CYP2A13: variants seen among roughly 807,000 people sequenced by gnomAD.
The protein encoded by CYP2A13 is cytochrome P450 family 2 subfamily A member 13.
In CYP2A13, 30 loss-of-function variants were observed where a neutral mutation model predicts 39.4. The ratio of observed to expected loss-of-function variants is 0.76; its 90% CI spans 0.57 to 1.03. The LOEUF is 1.03. Ranked by LOEUF, CYP2A13 falls within the 50% of genes least tolerant of loss-of-function variation. CYP2A13 has a pLI of 0.00. For synonymous variants in CYP2A13, 269 were observed against 254.7 expected, an observed-to-expected ratio of 1.06 and a Z score of -0.54; for missense variants, 731 against 648.4, an observed-to-expected ratio of 1.13 and a Z score of -1.38.
chr19:41,089,841 TCTCTCTCTCTCTCTCTCTCTCTCTC>T (rs755923695), intron 2 of CYP2A13, among the ~76,000 whole-genome samples, 181 bp from the exon 3 acceptor site: 2,324 of 129,606 alleles, frequency 0.018, 102 homozygotes, highest in Admixed American at 0.037. Context: ...TCTCTCTCTC[TCTCTCTCTCTCTCTCTCTCTCTCTC>T]TCTCTCGTGC....
At chr19:41,089,500 A>G (rs145797293) in intron 2 of CYP2A13, among the ~76,000 whole-genome samples, 1 of 151,958 alleles carries the variant, frequency 6.6e-6, no homozygotes, top group East Asian at 1.9e-4. Flanking sequence ...TTAGGATTTC[A>G]GGGTATTCCT....
rs2144727767 is a variant in CYP2A13 at position 41,094,320 on chromosome 19, C to T, written c.1049C>T (p.Pro350Leu). ...AAGTTTGAGGACCGGGCCAAGATGC[C>T]CTACACAGAGGCAGTGATCCACGAG... ...QPKFEDRAKMPYTEAVIHEIQ... is the reference protein window; with the variant it reads ...QPKFEDRAKMLYTEAVIHEIQ... Residue 350 changes from proline (P) to leucine (L), a missense_variant, in exon 7 of 9, where the codon CCC becomes CTC. Coordinates refer to ENST00000330436, the MANE Select transcript of CYP2A13 (RefSeq NM_000766.5). 6.2e-7 allele frequency: 1 copy of T among 1,614,066 alleles called. No individual in the cohort carries two copies. Among genetic ancestry groups the T allele is most frequent in the Non-Finnish European group, 8.5e-7 (1 of 1,179,998 alleles).
chr19:41,093,705 A>C lies in CYP2A13; in HGVS notation c.907A>C (p.Thr303Pro), dbSNP rs1205183416. 1.9e-6 allele frequency: 3 copies of C among 1,613,998 alleles called. No individual in the cohort carries two copies. The African/African-American group carries it at 4.0e-5, about 22-fold the overall frequency. Residue 303 changes from threonine to proline, a missense_variant, in exon 6 of 9, where the codon ACT (threonine) becomes CCT (proline). Coordinates refer to ENST00000330436, the MANE Select transcript of CYP2A13 (RefSeq NM_000766.5). Reference protein sequence around the residue: ...MTTLNLFFAGTETVSTTLRYG... With the variant: ...MTTLNLFFAGPETVSTTLRYG... ...CACCCTGAACCTCTTCTTTGCGGGCACTGAGACCGTGAGCACCACCCTGCG... is the reference window on the plus strand; with the variant it reads ...CACCCTGAACCTCTTCTTTGCGGGCCCTGAGACCGTGAGCACCACCCTGCG...
In CYP2A13 at chr19:41,092,965, C is replaced by T. The variant is rs964789453; in HGVS notation, c.832-665C>T. ...TGCCATCTCTGTACTACTTTCTCTTCGTCTCCCCTCATCCTTCTCTTTCCA... is the reference window on the plus strand; with the variant it reads ...TGCCATCTCTGTACTACTTTCTCTTTGTCTCCCCTCATCCTTCTCTTTCCA... On this transcript the variant is annotated intron_variant, in intron 5 of 8. Coordinates refer to ENST00000330436, the MANE Select transcript of CYP2A13 (RefSeq NM_000766.5). Among the ~76,000 whole-genome samples, 9 of 152,090 alleles carry T rather than the reference C, an allele frequency of 5.9e-5. No homozygotes were observed. In the South Asian group the frequency reaches 6.2e-4, roughly 11 times the overall value.
intron 7 of CYP2A13, 75 bp from the exon 8 acceptor site, chr19:41,094,884 C>A: frequency 6.4e-7 from 1 of 1,566,136 alleles, no homozygotes. Flanking sequence ...ACCCTAGTTC[C>A]CCCTGCAGCC....
rs2031253235 is a variant in CYP2A13, at chr19:41,094,303, G to A, written c.1032G>A (p.Glu344=). ...VIGKNRQPKF[E]DRAKMPYTEA... ...GCAAGAACCGGCAGCCCAAGTTTGA[G>A]GACCGGGCCAAGATGCCCTACACAG... Residue 344 remains glutamate (E), a synonymous_variant, in exon 7 of 9, where the codon GAG becomes GAA. Coordinates refer to ENST00000330436, the MANE Select transcript of CYP2A13 (RefSeq NM_000766.5). 6.2e-7 allele frequency: 1 copy of A among 1,613,986 alleles called. No homozygotes were observed. The highest frequency in any genetic ancestry group is 8.5e-7 in the Non-Finnish European group (1 of 1,180,022).
chr19:41,089,269 C>T (rs1373805444), intron 2 of CYP2A13, among the ~76,000 whole-genome samples, 178 bp downstream of exon 2: 2 of 152,072 alleles, frequency 1.3e-5, no homozygotes, highest in South Asian at 4.1e-4. Context: ...CTGTCTCCAG[C>T]GTCCCTGTCG....
intron 5 of CYP2A13, 143 bp downstream of exon 5, chr19:41,092,051 A>G: frequency 7.7e-7 from 1 of 1,300,294 alleles, no homozygotes; most frequent in Non-Finnish European, 1.0e-6. Context: ...GCGGTGGCTC[A>G]TGACCTGTAA....
Position 41,091,783 on chromosome 19 carries a change from C to T in CYP2A13, c.706C>T (p.Gln236Ter), listed in dbSNP as rs1273612725. 5.0e-6 allele frequency: 8 copies of T among 1,613,974 alleles called. No individual in the cohort carries two copies. In the Admixed American group the frequency reaches 1.2e-4, roughly 24 times the overall value. ...GAAACACCTGCCAGGACCACAGCAA[C>T]AGGCCTTTAAGGAGCTGCAAGGGCT... ...VMKHLPGPQQ[Q>*]AFKELQGLED... The change falls in exon 5 of 9, where the codon CAG (glutamine) becomes TAG (stop). Residue 236 changes from glutamine to a stop codon, truncating the protein, a stop_gained. Coordinates refer to ENST00000330436, the MANE Select transcript of CYP2A13 (RefSeq NM_000766.5). LOFTEE classifies it high-confidence loss of function.
At position 41,095,054 on chromosome 19, in the gene CYP2A13, G is replaced by A. The variant is rs140338223; in HGVS notation, c.1257G>A (p.Lys419=). The A allele has an allele frequency of 1.2e-4, 197 of 1,614,026 alleles. 2 individuals are homozygous for A. The African/African-American group carries it at 2.3e-3, about 19-fold the overall frequency. Residue 419 remains lysine, a synonymous_variant, in exon 8 of 9, where the codon AAG becomes AAA. Coordinates refer to ENST00000330436, the MANE Select transcript of CYP2A13 (RefSeq NM_000766.5). ...TCAATCCCCAGCACTTCCTGGATAAGAAGGGGCAGTTTAAGAAGAGTGATG... is the reference window on the plus strand; with the variant it reads ...TCAATCCCCAGCACTTCCTGGATAAAAAGGGGCAGTTTAAGAAGAGTGATG... ...RDFNPQHFLD[K]KGQFKKSDAF... is the part of the protein sequence containing the mutation.
intron 5 of CYP2A13, 38 bp from the exon 6 acceptor site, chr19:41,093,592 G>A: frequency 6.2e-7 from 1 of 1,613,152 alleles, no homozygotes; most frequent in South Asian, 1.1e-5. Context: ...CCAAGAGCAT[G>A]GAGAGTGAGC....
chr19:41,090,293 A>T, intron 3 of CYP2A13, 97 bp downstream of exon 3: 1 of 1,575,104 alleles, frequency 6.3e-7, no homozygotes, highest in South Asian at 1.2e-5. Context: ...CCAGCCCTGG[A>T]GTCTGGCGCT....
intron 2 of CYP2A13, among the ~76,000 whole-genome samples, chr19:41,089,747 G>T (rs1413565081): frequency 6.9e-6 from 1 of 145,556 alleles, no homozygotes; most frequent in Admixed American, 6.9e-5. Flanking sequence ...CTGTTTCTCT[G>T]CATCTGTCTG....
chr19:41,094,749 T>A (rs1195185936), intron 7 of CYP2A13, among the ~76,000 whole-genome samples: 1 of 152,044 alleles, frequency 6.6e-6, no homozygotes, highest in Non-Finnish European at 1.5e-5. Context: ...ACACCCTGCC[T>A]AGTGGAACAT....
chr19:41,088,816 C>T (rs1792041918), intron 1 of CYP2A13, 113 bp from the exon 2 acceptor site: 13 of 1,548,152 alleles, frequency 8.4e-6, no homozygotes, highest in African/African-American at 2.7e-5. Context: ...GGATGTCCAG[C>T]TCCCTGACTG....
chr19:41,095,002 C>T lies in CYP2A13; in HGVS notation c.1205C>T (p.Pro402Leu), dbSNP rs140896123. The T allele has an allele frequency of 3.1e-5, 50 of 1,614,114 alleles. No individual in the cohort carries two copies. In the African/African-American group the frequency reaches 6.0e-4, roughly 19 times the overall value. The change falls in exon 8 of 9, where the codon CCC (proline) becomes CTC (leucine). Residue 402 changes from proline to leucine, a missense_variant. Physicochemically the swap from Pro to Leu is moderately conservative, Grantham distance 98. Transcript: ENST00000330436. ...FPMLGSVLRD[P>L]RFFSNPRDFN... is the part of the protein sequence containing the mutation. ...ATGCTGGGCTCCGTGCTGAGAGACC[C>T]CAGGTTCTTCTCCAACCCCCGGGAC... is the stretch of plus-strand genomic sequence containing the variant.
intron 5 of CYP2A13, among the ~76,000 whole-genome samples, chr19:41,092,492 C>T (rs962594542): frequency 6.6e-6 from 1 of 152,052 alleles, no homozygotes; most frequent in Non-Finnish European, 1.5e-5. Flanking sequence ...TAAGATAGTC[C>T]GCCATGGAAC....
chr19:41,092,976 A>G (rs989445575), intron 5 of CYP2A13, among the ~76,000 whole-genome samples: 2 of 151,956 alleles, frequency 1.3e-5, no homozygotes, highest in Non-Finnish European at 2.9e-5. Flanking sequence ...GTCTCCCCTC[A>G]TCCTTCTCTT....
chr19:41,096,169 T>C lies in CYP2A13; in HGVS notation c.*228T>C. 1 of 646,386 alleles carries C rather than the reference T, an allele frequency of 1.5e-6. No individual in the cohort carries two copies. Among genetic ancestry groups the C allele is most frequent in the Non-Finnish European group, 2.7e-6 (1 of 375,626 alleles). 40.0% of individuals were successfully genotyped at this position (646,386 alleles called of 1,614,324 possible). Reference sequence around the variant, plus strand: ...CCTTACAGTATGCTACAAAGAGTAGTAATAATAGCAGCTCTTATTTCCTGA... The same window carrying C: ...CCTTACAGTATGCTACAAAGAGTAGCAATAATAGCAGCTCTTATTTCCTGA... On this transcript the variant is annotated 3_prime_UTR_variant, in exon 9 of 9. Coordinates refer to ENST00000330436, the MANE Select transcript of CYP2A13 (RefSeq NM_000766.5).
Sources: gnomAD v4.1 joint callset for allele counts (sites outside exome capture counted in the v4.1 genomes callset) on GRCh38, gnomAD v4.1.1 for gene constraint, MANE v1.5 for transcripts, NCBI Gene and HGNC (gene_info 2026-07-23, HGNC 2026-07-21) for gene names.